The following ARHGEF18 variants were observed in gnomAD, a reference collection of about 807,000 sequenced individuals.
ARHGEF18 encodes Rho/Rac guanine nucleotide exchange factor 18.
In ARHGEF18, 93 loss-of-function variants were observed where a neutral mutation model predicts 155.7. The observed-to-expected ratio is 0.60, with a 90% confidence interval of 0.50 to 0.71. The LOEUF is 0.71. ARHGEF18 is among the 30% of genes least tolerant of loss of function. The probability of loss-of-function intolerance (pLI) is 0.00; values close to 1 mark genes in which losing one functional copy is unlikely to be tolerated. For synonymous variants in ARHGEF18, 742 were observed against 753.1 expected, an observed-to-expected ratio of 0.99 and a Z score of 0.24; for missense variants, 1,593 against 1,816.1, an observed-to-expected ratio of 0.88 and a Z score of 2.23.
intron 7 of ARHGEF18, among the ~76,000 whole-genome samples, 168 bp downstream of exon 7, chr19:7,379,334 A>G (rs7250313): frequency 0.36 from 54,298 of 151,656 alleles, 10,107 homozygotes; most frequent in African/African-American, 0.48. Context: ...TGAGGCAGGC[A>G]GATCACCTGA....
chr19:7,407,283 G>T (rs1446101439), intron 10 of ARHGEF18, among the ~76,000 whole-genome samples: 5 of 151,602 alleles, frequency 3.3e-5, no homozygotes, highest in Non-Finnish European at 7.4e-5. Context: ...AAAATTAGCC[G>T]GGTGTGGTGG....
intron 2 of ARHGEF18, among the ~76,000 whole-genome samples, chr19:7,363,914 G>A (rs1366696811): frequency 6.6e-6 from 1 of 150,424 alleles, no homozygotes; most frequent in East Asian, 2.0e-4. Context: ...ATGGAAGGAA[G>A]GAGGATGGAT....
At chr19:7,410,966 A>C (rs1972641636) in intron 10 of ARHGEF18, among the ~76,000 whole-genome samples, 1 of 152,112 alleles carries the variant, frequency 6.6e-6, no homozygotes, top group Admixed American at 6.6e-5. Flanking sequence ...ATACTTCAGC[A>C]TCTGGCCTGT....
chr19:7,479,211 C>T, the ARHGEF18 span, among the ~76,000 whole-genome samples: 12 of 152,208 alleles, frequency 7.9e-5, no homozygotes, highest in African/African-American at 2.7e-4. Context: ...GGGCCAAGCG[C>T]GATGGCTCAC....
chr19:7,432,643 G>A (rs1179275986), intron 10 of ARHGEF18, among the ~76,000 whole-genome samples: 1 of 152,236 alleles, frequency 6.6e-6, no homozygotes, highest in East Asian at 1.9e-4. Context: ...TCCCAGCCCT[G>A]TTTGTTTCTT....
intron 1 of ARHGEF18, among the ~76,000 whole-genome samples, chr19:7,353,389 G>T (rs1047754022): frequency 1.3e-5 from 2 of 151,196 alleles, no homozygotes; most frequent in East Asian, 4.0e-4. Flanking sequence ...AGGAGTTCGA[G>T]ACCAGCCTGG....
chr19:7,425,060 T>C (rs1281333701), intron 10 of ARHGEF18, among the ~76,000 whole-genome samples: 1 of 151,934 alleles, frequency 6.6e-6, no homozygotes, highest in Non-Finnish European at 1.5e-5. Flanking sequence ...TCATGAGCCC[T>C]TATCAGTATT....
rs1969095372 is a variant in ARHGEF18, at chr19:7,348,957, G to A, written c.-395G>A. 1 of 152,310 alleles carries A rather than the reference G, an allele frequency of 6.6e-6. No individual in the cohort carries two copies. The highest frequency in any genetic ancestry group is 1.5e-5 in the Non-Finnish European group (1 of 68,106). 9.4% of individuals were successfully genotyped at this position (152,310 alleles called of 1,614,324 possible). On this transcript the variant is annotated 5_prime_UTR_variant, in exon 1 of 29. Coordinates refer to ENST00000668164, the MANE Select transcript of ARHGEF18 (RefSeq NM_001367823.1). ...TCCTCAAGACACCTGCATGCGCAGG[G>A]CTGAGGGGTGGGAGCAGGGCTCTCT... is the stretch of plus-strand genomic sequence containing the variant.
intron 10 of ARHGEF18, among the ~76,000 whole-genome samples, chr19:7,437,894 C>T (rs74337797): frequency 0.048 from 7,300 of 151,918 alleles, 505 homozygotes; most frequent in East Asian, 0.16. Context: ...CCACCCGCGT[C>T]GGCCTTCCAA....
intron 10 of ARHGEF18, among the ~76,000 whole-genome samples, chr19:7,407,287 G>A (rs1439838912): frequency 2.6e-5 from 4 of 151,810 alleles, no homozygotes; most frequent in Admixed American, 2.0e-4. Context: ...TTAGCCGGGT[G>A]TGGTGGCGGG....
chr19:7,432,831 G>A (rs1368146560), intron 10 of ARHGEF18, among the ~76,000 whole-genome samples: 1 of 152,214 alleles, frequency 6.6e-6, no homozygotes, highest in Non-Finnish European at 1.5e-5. Context: ...TATTTATAAA[G>A]GACAGTTTGA....
Position 7,456,352 on chromosome 19 carries a change from C to T in ARHGEF18, c.2130C>T (p.Asp710=), listed in dbSNP as rs773053047. The change falls in exon 18 of 29, where the codon GAC becomes GAT. Residue 710 remains aspartate (D), a synonymous_variant. Transcript: ENST00000668164. ...ATATCCTGGCTATCCTGCTGACCGA[C>T]GTACTTTTGCTGCTACAAGAAAAAG... is the stretch of plus-strand genomic sequence containing the variant. ...LKDILAILLT[D]VLLLLQEKDQ... 85 of 1,614,028 alleles carry T rather than the reference C, an allele frequency of 5.3e-5. No individual in the cohort carries two copies. In the South Asian group the frequency reaches 5.3e-4, roughly 10 times the overall value.
intron 2 of ARHGEF18, among the ~76,000 whole-genome samples, chr19:7,367,668 C>A (rs1194535660): frequency 2.0e-5 from 3 of 148,654 alleles, no homozygotes; most frequent in Non-Finnish European, 4.4e-5. Flanking sequence ...CTCACTTGAA[C>A]CCAGGAGGTG....
chr19:7,400,095 A>G (rs936897904), intron 10 of ARHGEF18, among the ~76,000 whole-genome samples: 6 of 152,102 alleles, frequency 3.9e-5, no homozygotes, highest in Non-Finnish European at 7.3e-5. Flanking sequence ...ATGGTCATAT[A>G]TTGAAAAAAT....
chr19:7,444,366 G>A lies in ARHGEF18; in HGVS notation c.1523G>A (p.Arg508Gln), dbSNP rs146605267. ...GAGACGCACAGCCACTTCCTCGCTC[G>A]GCTCAAGGAGCGCCGCCAGGAGTCC... is the stretch of plus-strand genomic sequence containing the variant. The part of the protein sequence containing the change: ...LLETHSHFLA[R>Q]LKERRQESLE... Residue 508 changes from arginine to glutamine, a missense_variant, in exon 14 of 29, where the codon CGG (arginine) becomes CAG (glutamine). Coordinates refer to ENST00000668164, the MANE Select transcript of ARHGEF18 (RefSeq NM_001367823.1). This position sits in a 1 kb window ranked among gnomAD's most constrained non-coding sequence, Gnocchi z 4.7. 48 of 1,613,402 alleles carry A rather than the reference G, an allele frequency of 3.0e-5. No individual in the cohort carries two copies. Among genetic ancestry groups the A allele is most frequent in the African/African-American group, 8.0e-5 (6 of 74,926 alleles).
rs1976911187 is a variant in ARHGEF18, at chr19:7,469,901, C to T, written c.3788-3C>T. On this transcript the variant is annotated splice_polypyrimidine_tract_variant and splice_region_variant and intron_variant, in intron 27 of 28. Coordinates refer to ENST00000668164, the MANE Select transcript of ARHGEF18 (RefSeq NM_001367823.1). ...GCTGGCCCAAATACCTTCTCTCTTCCAGCGTCCTTCGACCTGAAGCAGCAG... is the reference window on the plus strand; with the variant it reads ...GCTGGCCCAAATACCTTCTCTCTTCTAGCGTCCTTCGACCTGAAGCAGCAG... 1 of 1,612,754 alleles carries T rather than the reference C, an allele frequency of 6.2e-7. No individual in the cohort carries two copies.
Position 7,463,518 on chromosome 19 carries a change from C to A in ARHGEF18, c.2636-300C>A, listed in dbSNP as rs1976417554. On this transcript the variant is annotated intron_variant, in intron 21 of 28. Transcript: ENST00000668164. The surrounding 1 kb of genome is among the most constrained non-coding windows in gnomAD (Gnocchi z 5.2). ...GGGCCACATCCAGCATTCGCCAGCC[C>A]CTGGCCCAGGGCGGCCTGGTGGAAG... 6.6e-6 allele frequency among the ~76,000 whole-genome samples: 1 copy of A among 152,206 alleles called. No individual in the cohort carries two copies. Among genetic ancestry groups the A allele is most frequent in the South Asian group, 2.1e-4 (1 of 4,834 alleles).
chr19:7,357,920 G>T (rs137866171), intron 1 of ARHGEF18, among the ~76,000 whole-genome samples: 1 of 151,904 alleles, frequency 6.6e-6, no homozygotes, highest in Non-Finnish European at 1.5e-5. Flanking sequence ...TCTGTGCCTC[G>T]CTCACCTTGG....
chr19:7,389,556 T>TG (rs1292148625), intron 10 of ARHGEF18, among the ~76,000 whole-genome samples: 1 of 144,550 alleles, frequency 6.9e-6, no homozygotes, highest in Non-Finnish European at 1.5e-5. Context: ...TTTTTTGAGA[T>TG]GGAGTCTTGC....
Sources: gnomAD v4.1 joint callset for allele counts (sites outside exome capture counted in the v4.1 genomes callset) on GRCh38, gnomAD v4.1.1 for gene constraint, Gnocchi (gnomAD v3.1) non-coding constraint, MANE v1.5 for transcripts, NCBI Gene and HGNC (gene_info 2026-07-23, HGNC 2026-07-21) for gene names.